CCDC91: variants seen among roughly 807,000 people sequenced by gnomAD.
CCDC91 encodes coiled-coil domain containing 91, also known as coiled-coil domain-containing protein 91.
Under a neutral mutation model 63.2 loss-of-function variants are expected in CCDC91, and 48 were observed. That is an observed-to-expected ratio of 0.76 (90% CI 0.60 to 0.97). CCDC91 has a LOEUF of 0.97. Ranked by LOEUF, CCDC91 falls within the 50% of genes least tolerant of loss-of-function variation. CCDC91 has a pLI of 0.00. For synonymous variants in CCDC91, 167 were observed against 165.8 expected, an observed-to-expected ratio of 1.01 and a Z score of -0.06; for missense variants, 500 against 494.6, an observed-to-expected ratio of 1.01 and a Z score of -0.10.
intron 3 of CCDC91, among the ~76,000 whole-genome samples, chr12:28,300,118 C>T (rs2136975604): frequency 6.6e-6 from 1 of 151,380 alleles, no homozygotes; most frequent in South Asian, 2.1e-4. Flanking sequence ...ATAATCAAGC[C>T]ATAGTTAGAA....
intron 3 of CCDC91, among the ~76,000 whole-genome samples, chr12:28,290,809 T>C (rs1316597242): frequency 1.4e-5 from 1 of 69,280 alleles, no homozygotes; most frequent in Non-Finnish European, 3.4e-5. Context: ...TTGTGAGGCT[T>C]CATACCCAAC....
chr12:28,310,898 A>G (rs1939253589), intron 6 of CCDC91, among the ~76,000 whole-genome samples: 1 of 151,994 alleles, frequency 6.6e-6, no homozygotes, highest in South Asian at 2.1e-4. Flanking sequence ...TTGTTAGAAA[A>G]ATGTCATCTC....
At chr12:28,305,567 T>C in intron 3 of CCDC91, 82 bp from the exon 4 acceptor site, 1 of 1,190,360 alleles carries the variant, frequency 8.4e-7, no homozygotes, top group Non-Finnish European at 1.1e-6. Flanking sequence ...CTATTTCAGC[T>C]CTCTTTCTTC....
At chr12:28,315,160 T>TAC (rs1342696404) in intron 6 of CCDC91, among the ~76,000 whole-genome samples, 3 of 151,130 alleles carry the variant, frequency 2.0e-5, no homozygotes, top group Admixed American at 1.3e-4. Flanking sequence ...GTTGTATATA[T>TAC]ATATATATAT....
intron 12 of CCDC91, among the ~76,000 whole-genome samples, chr12:28,497,631 G>A (rs1411421156): frequency 6.6e-6 from 1 of 151,542 alleles, no homozygotes; most frequent in Non-Finnish European, 1.5e-5. Flanking sequence ...ATATCCAGCA[G>A]CGTACATTGA....
intron 6 of CCDC91, among the ~76,000 whole-genome samples, chr12:28,351,426 C>T (rs1399964531): frequency 2.0e-5 from 3 of 152,202 alleles, no homozygotes; most frequent in African/African-American, 7.2e-5. Flanking sequence ...GATGCTTTGC[C>T]ATCTAAGCCC....
intron 1 of CCDC91, among the ~76,000 whole-genome samples, chr12:28,205,933 C>A (rs1417932991): frequency 6.6e-6 from 1 of 152,186 alleles, no homozygotes; most frequent in Non-Finnish European, 1.5e-5. Context: ...CAACTTTAGT[C>A]ATTAATGTCA....
intron 3 of CCDC91, among the ~76,000 whole-genome samples, chr12:28,261,371 A>G (rs1490395701): frequency 6.6e-6 from 1 of 151,982 alleles, no homozygotes; most frequent in African/African-American, 2.4e-5. Flanking sequence ...AAGGCTGAGT[A>G]GATTAATTTG....
intron 8 of CCDC91, among the ~76,000 whole-genome samples, chr12:28,398,480 A>T (rs778242364): frequency 1.3e-5 from 2 of 152,216 alleles, no homozygotes; most frequent in African/African-American, 4.8e-5. Flanking sequence ...AAATGTTTGC[A>T]TATAAACTGT....
chr12:28,410,323 A>G (rs1406757777), intron 8 of CCDC91, among the ~76,000 whole-genome samples: 3 of 152,164 alleles, frequency 2.0e-5, no homozygotes, highest in Admixed American at 6.5e-5. Context: ...TCTACTCTGT[A>G]TGATATTAAT....
intron 1 of CCDC91, among the ~76,000 whole-genome samples, chr12:28,195,891 G>T (rs1941723714): frequency 6.6e-6 from 1 of 152,136 alleles, no homozygotes; most frequent in South Asian, 2.1e-4. Context: ...GATCGCTTGA[G>T]CCCAGGAGTT....
At chr12:28,348,640 C>T (rs1001769380) in intron 6 of CCDC91, among the ~76,000 whole-genome samples, 4 of 152,096 alleles carry the variant, frequency 2.6e-5, no homozygotes, top group Admixed American at 6.6e-5. Flanking sequence ...TTTGGTTGCT[C>T]GATCTACTGA....
intron 12 of CCDC91, among the ~76,000 whole-genome samples, chr12:28,519,724 C>G (rs902549152): frequency 8.2e-6 from 1 of 121,282 alleles, no homozygotes; most frequent in African/African-American, 3.1e-5. Context: ...CCCCCCTCCC[C>G]CCACCCCACA....
chr12:28,381,394 T>G (rs573866195), intron 7 of CCDC91, among the ~76,000 whole-genome samples: 172 of 152,176 alleles, frequency 1.1e-3, no homozygotes, highest in Middle Eastern at 6.8e-3. Context: ...CATTTTTTTT[T>G]GTCATGGTAA....
At chr12:28,267,820 AT>A (rs377478011) in intron 3 of CCDC91, among the ~76,000 whole-genome samples, 2,023 of 30,912 alleles carry the variant, frequency 0.065, 332 homozygotes, top group Middle Eastern at 0.077. Context: ...ATATAATTAT[AT>A]TATTAATATA....
At chr12:28,223,035 G>GT (rs1944048301) in intron 1 of CCDC91, among the ~76,000 whole-genome samples, 1 of 152,130 alleles carries the variant, frequency 6.6e-6, no homozygotes, top group Admixed American at 6.5e-5. Flanking sequence ...GTCTGACAAG[G>GT]TGAGCTTCGC....
At chr12:28,287,097 T>C (rs927781900) in intron 3 of CCDC91, among the ~76,000 whole-genome samples, 6 of 152,102 alleles carry the variant, frequency 3.9e-5, no homozygotes, top group African/African-American at 1.2e-4. Flanking sequence ...CTTATAGATG[T>C]TGGATATCAG....
intron 8 of CCDC91, among the ~76,000 whole-genome samples, chr12:28,414,970 CTCTT>C (rs1293852667): frequency 1.3e-5 from 2 of 152,110 alleles, no homozygotes; most frequent in Admixed American, 1.3e-4. Context: ...GAAAATTAAA[CTCTT>C]TCTTTCTTTG....
At chr12:28,230,806 G>T (rs1944540816) in intron 1 of CCDC91, among the ~76,000 whole-genome samples, 1 of 151,908 alleles carries the variant, frequency 6.6e-6, no homozygotes, top group African/African-American at 2.4e-5. Context: ...GTATTTTTTT[G>T]TAGTGATGGG....
Sources: gnomAD v4.1 joint callset for allele counts (sites outside exome capture counted in the v4.1 genomes callset) on GRCh38, gnomAD v4.1.1 for gene constraint, MANE v1.5 for transcripts, NCBI Gene and HGNC (gene_info 2026-07-23, HGNC 2026-07-21) for gene names.